Variants in RANBP2 observed in about 807,000 individuals in gnomAD.
RANBP2 encodes the protein RAN binding protein 2.
RANBP2 carries 57 observed loss-of-function variants against 303.6 expected under a neutral mutation model. That is an observed-to-expected ratio of 0.19 (90% CI 0.15 to 0.23). The LOEUF is 0.23. Among genes scored for constraint, RANBP2 ranks in the 10% least tolerant of loss-of-function variants. The probability of loss-of-function intolerance (pLI) is 1.00; values close to 1 mark genes in which losing one functional copy is unlikely to be tolerated. For missense variants in RANBP2, 3,138 were observed against 3,780.8 expected (o/e 0.83, Z 4.46); for synonymous variants, 1,167 against 1,301.5 (o/e 0.90, Z 2.23).
At chr2:109,688,149 C>T in the RANBP2 span, among the ~76,000 whole-genome samples, 1 of 152,044 alleles carries the variant, frequency 6.6e-6, no homozygotes, top group African/African-American at 2.4e-5. Context: ...TTGGAGTGTA[C>T]GTTCTGTTTG....
chr2:108,819,973 C>T, the RANBP2 span, among the ~76,000 whole-genome samples: 1 of 152,178 alleles, frequency 6.6e-6, no homozygotes, highest in Non-Finnish European at 1.5e-5. Context: ...AACAAAGTGA[C>T]AGTATAAACT....
At chr2:109,739,970 G>A in the RANBP2 span, among the ~76,000 whole-genome samples, 1 of 149,038 alleles carries the variant, frequency 6.7e-6, no homozygotes, top group East Asian at 1.9e-4. Flanking sequence ...CTGTTACATG[G>A]GGCATAACAT....
the RANBP2 span, among the ~76,000 whole-genome samples, chr2:109,492,056 G>A: frequency 6.6e-6 from 1 of 152,114 alleles, no homozygotes; most frequent in African/African-American, 2.4e-5. Flanking sequence ...TGCAGATGTT[G>A]CAGTCCTGCT....
At chr2:109,610,722 A>T in the RANBP2 span, among the ~76,000 whole-genome samples, 7 of 152,238 alleles carry the variant, frequency 4.6e-5, no homozygotes, top group Non-Finnish European at 1.0e-4. Context: ...TCTTCAAAAA[A>T]AAAGAGAGAA....
At chr2:109,107,089 C>T in the RANBP2 span, among the ~76,000 whole-genome samples, 1 of 151,902 alleles carries the variant, frequency 6.6e-6, no homozygotes, top group Non-Finnish European at 1.5e-5. Flanking sequence ...AGGCACCTGC[C>T]ACCGTGCCCG....
the RANBP2 span, among the ~76,000 whole-genome samples, chr2:109,743,292 C>T: frequency 6.8e-6 from 1 of 147,578 alleles, no homozygotes; most frequent in Admixed American, 6.8e-5. Flanking sequence ...AAAATCTAGA[C>T]ATAGACCTTA....
the RANBP2 span, among the ~76,000 whole-genome samples, chr2:109,531,608 A>G: frequency 2.0e-5 from 3 of 152,192 alleles, no homozygotes; most frequent in Non-Finnish European, 4.4e-5. Flanking sequence ...TATTTTTTCA[A>G]TAACTCATCA....
the RANBP2 span, among the ~76,000 whole-genome samples, chr2:109,547,100 C>T: frequency 6.6e-6 from 1 of 152,214 alleles, no homozygotes. Flanking sequence ...CCAAAGACAA[C>T]TTCAGACCCT....
At chr2:108,979,150 CTG>C in the RANBP2 span, among the ~76,000 whole-genome samples, 1 of 152,224 alleles carries the variant, frequency 6.6e-6, no homozygotes, top group Non-Finnish European at 1.5e-5. Flanking sequence ...CCTCCTCTCA[CTG>C]TGTTTCTCCA....
the RANBP2 span, among the ~76,000 whole-genome samples, chr2:108,901,634 T>C: frequency 6.6e-6 from 1 of 152,154 alleles, no homozygotes; most frequent in Admixed American, 6.5e-5. Flanking sequence ...ATACACACCA[T>C]AGATATCAAA....
chr2:109,466,047 A>T, the RANBP2 span, among the ~76,000 whole-genome samples: 1 of 141,400 alleles, frequency 7.1e-6, no homozygotes, highest in Non-Finnish European at 1.5e-5. Context: ...GCATCTTTTC[A>T]TATGCTTATC....
At chr2:109,145,614 C>G in the RANBP2 span, among the ~76,000 whole-genome samples, 1 of 152,208 alleles carries the variant, frequency 6.6e-6, no homozygotes, top group African/African-American at 2.4e-5. Context: ...TTTGGCACTG[C>G]TATCGCCATG....
At chr2:109,207,452 G>A in the RANBP2 span, among the ~76,000 whole-genome samples, 30 of 152,310 alleles carry the variant, frequency 2.0e-4, no homozygotes, top group African/African-American at 7.2e-4. Context: ...TATTTGTGAT[G>A]TAGGTAATTA....
intron 9 of RANBP2, 124 bp downstream of exon 9, chr2:108,749,253 G>A: frequency 6.6e-7 from 1 of 1,514,132 alleles, no homozygotes. Flanking sequence ...GGTTGGGCTG[G>A]GGGGAGTTTG....
the RANBP2 span, chr2:108,910,594 A>C: frequency 6.2e-4 from 911 of 1,471,752 alleles, 9 homozygotes; most frequent in South Asian, 8.7e-3. Flanking sequence ...CTCTGCGCTC[A>C]GCCCAACCCT....
the RANBP2 span, among the ~76,000 whole-genome samples, chr2:109,226,474 T>C: frequency 6.6e-6 from 1 of 152,260 alleles, no homozygotes; most frequent in Non-Finnish European, 1.5e-5. Context: ...AGTACCCTGC[T>C]GACCTCTTAA....
chr2:109,657,538 G>C, the RANBP2 span, among the ~76,000 whole-genome samples: 2 of 151,426 alleles, frequency 1.3e-5, no homozygotes, highest in East Asian at 2.0e-4. Context: ...TTCTCATAGA[G>C]AGAAAATTAT....
the RANBP2 span, among the ~76,000 whole-genome samples, chr2:109,250,136 CTTAAGGTTTTTCTCTGTCT>C: frequency 6.8e-6 from 1 of 146,688 alleles, no homozygotes; most frequent in Admixed American, 6.8e-5. Flanking sequence ...TTTATCTGTC[CTTAAGGTTTTTCTCTGTCT>C]TTAAGGTTTT....
the RANBP2 span, among the ~76,000 whole-genome samples, chr2:109,416,361 G>A: frequency 6.6e-6 from 1 of 151,932 alleles, no homozygotes; most frequent in East Asian, 2.0e-4. Flanking sequence ...TTGGGAGGCT[G>A]AGGAGGGCAG....
Sources: allele counts gnomAD v4.1 joint callset (sites outside exome capture counted in the v4.1 genomes callset), GRCh38; gene constraint gnomAD v4.1.1; transcripts MANE v1.5; gene names NCBI Gene and HGNC (gene_info 2026-07-23, HGNC 2026-07-21).